DYNC1I2: variants seen among roughly 807,000 people sequenced by gnomAD.
DYNC1I2 encodes the protein cytoplasmic dynein 1 intermediate chain 2.
Under a neutral mutation model 88.6 loss-of-function variants are expected in DYNC1I2, and 53 were observed. That is an observed-to-expected ratio of 0.60 (90% CI 0.48 to 0.75). The LOEUF is 0.75. Ranked by LOEUF, DYNC1I2 falls within the 30% of genes least tolerant of loss-of-function variation. DYNC1I2 has a pLI of 0.00. For synonymous variants in DYNC1I2, 198 were observed against 254.6 expected (o/e 0.78, Z 2.12); for missense variants, 458 against 766.6 (o/e 0.60, Z 4.75).
intron 5 of DYNC1I2, among the ~76,000 whole-genome samples, chr2:171,708,060 GTC>G (rs764556646): frequency 0.028 from 4,076 of 145,830 alleles, 63 homozygotes; most frequent in Non-Finnish European, 0.035. Flanking sequence ...ATTCCTCTTT[GTC>G]TCTCTCACAC....
At chr2:171,737,294 A>T (rs1017295775) in intron 15 of DYNC1I2, among the ~76,000 whole-genome samples, 3 of 151,984 alleles carry the variant, frequency 2.0e-5, no homozygotes, top group African/African-American at 7.3e-5. Flanking sequence ...ATTCAATATG[A>T]CCTCATCTTA....
chr2:171,729,038 T>G (rs1006255110), intron 14 of DYNC1I2, among the ~76,000 whole-genome samples, 188 bp downstream of exon 14: 1 of 152,136 alleles, frequency 6.6e-6, no homozygotes, highest in African/African-American at 2.4e-5. Flanking sequence ...ATTCATGATG[T>G]GTTTAGATTT....
intron 5 of DYNC1I2, among the ~76,000 whole-genome samples, chr2:171,710,136 C>T (rs971628353): frequency 5.6e-4 from 81 of 144,366 alleles, no homozygotes; most frequent in African/African-American, 1.5e-3. Flanking sequence ...CACACACACA[C>T]ACACACACAC....
rs1188153219 is a variant in DYNC1I2 at position 171,702,297 on chromosome 2, T to C, written c.227-4250T>C. ...ATGTTTCCCTTTCTTGTTGGCAGAT[T>C]TACCATTATAATGGAACCTGTGAAG... On this transcript the variant is annotated intron_variant, in intron 3 of 17. Transcript: ENST00000397119. Among the ~76,000 whole-genome samples the C allele has an allele frequency of 2.6e-5, 4 of 152,226 alleles. No individual in the cohort carries two copies. In the East Asian group the frequency reaches 7.7e-4, roughly 29 times the overall value.
At chr2:171,734,143 C>A (rs1688843719) in intron 15 of DYNC1I2, among the ~76,000 whole-genome samples, 1 of 152,070 alleles carries the variant, frequency 6.6e-6, no homozygotes. Flanking sequence ...CTATTCTGTT[C>A]CCAGTCTGTG....
At chr2:171,700,522 G>A (rs1686167150) in intron 3 of DYNC1I2, among the ~76,000 whole-genome samples, 1 of 152,218 alleles carries the variant, frequency 6.6e-6, no homozygotes, top group Non-Finnish European at 1.5e-5. Flanking sequence ...AGAGTTTTAA[G>A]CAGGATAGTG....
chr2:171,742,166 A>AT (rs1043821888), intron 15 of DYNC1I2, among the ~76,000 whole-genome samples: 1 of 150,668 alleles, frequency 6.6e-6, no homozygotes, highest in East Asian at 1.9e-4. Flanking sequence ...ATCCAACTTT[A>AT]TTTTTTTTAT....
chr2:171,706,559 A>G lies in DYNC1I2; in HGVS notation c.239A>G (p.Tyr80Cys). 3 of 1,612,290 alleles carry G rather than the reference A, an allele frequency of 1.9e-6. No homozygotes were observed. Among genetic ancestry groups the G allele is most frequent in the Non-Finnish European group, 2.5e-6 (3 of 1,178,834 alleles). ...CTGTACACTTCAGTTTTTTCTGAATACTGGGGTAAGGAAGTTCCCATAAGT... is the reference window on the plus strand; with the variant it reads ...CTGTACACTTCAGTTTTTTCTGAATGCTGGGGTAAGGAAGTTCCCATAAGT... Reference protein sequence around the residue: ...TPESPIVFSEYWVPPPMSPSS... With the variant: ...TPESPIVFSECWVPPPMSPSS... Residue 80 changes from tyrosine to cysteine, a missense_variant, in exon 4 of 18, where the codon TAC becomes TGC. Around this residue, in one of 5 missense-constraint regions of DYNC1I2, gnomAD observed 55 missense variants for 57.1 expected, o/e 0.96. Coordinates refer to ENST00000397119, the MANE Select transcript of DYNC1I2 (RefSeq NM_001378.3).
At position 171,726,729 on chromosome 2, in the gene DYNC1I2, A is replaced by G. The variant is rs770923206; in HGVS notation, c.871-62A>G. On this transcript the variant is annotated intron_variant, in intron 10 of 17. Coordinates refer to ENST00000397119, the MANE Select transcript of DYNC1I2 (RefSeq NM_001378.3). ...AATAATCTGATAAAGACAAATAACT[A>G]GGATTATAAAACAGTTCTTATTATG... The G allele has an allele frequency of 3.8e-6, 6 of 1,579,636 alleles. No homozygotes were observed. The African/African-American group carries it at 6.8e-5, about 18-fold the overall frequency.
chr2:171,720,470 T>G (rs1687825679), intron 7 of DYNC1I2, among the ~76,000 whole-genome samples: 2 of 152,136 alleles, frequency 1.3e-5, no homozygotes, highest in African/African-American at 4.8e-5. Flanking sequence ...AAAATGGATT[T>G]TTCTGTAATC....
At chr2:171,689,285 G>A (rs1685205513) in intron 1 of DYNC1I2, among the ~76,000 whole-genome samples, 1 of 152,232 alleles carries the variant, frequency 6.6e-6, no homozygotes, top group African/African-American at 2.4e-5. Flanking sequence ...AGAGGTATAC[G>A]TAAGGTGTTA....
intron 3 of DYNC1I2, among the ~76,000 whole-genome samples, chr2:171,703,385 G>A (rs1430533521): frequency 2.0e-5 from 3 of 150,836 alleles, no homozygotes; most frequent in African/African-American, 4.9e-5. Flanking sequence ...ACAGCCATGC[G>A]CCACCATGCC....
intron 3 of DYNC1I2, among the ~76,000 whole-genome samples, chr2:171,697,610 G>C (rs1003037507): frequency 2.0e-5 from 3 of 152,048 alleles, no homozygotes; most frequent in Admixed American, 6.6e-5. Context: ...ATATTTGGGA[G>C]GCTGAGGTAG....
Position 171,745,861 on chromosome 2 carries a change from C to T in DYNC1I2, c.1737C>T (p.Thr579=). 6.2e-7 allele frequency: 1 copy of T among 1,613,770 alleles called. No homozygotes were observed. Among genetic ancestry groups the T allele is most frequent in the South Asian group, 1.1e-5 (1 of 91,072 alleles). ...GNPALNRVRW[T]HSGREIAVGD... is the part of the protein sequence containing the mutation. ...CTGCTCTTAATCGTGTGAGATGGAC[C>T]CATTCTGGCAGAGAGATTGCTGTGG... The change falls in exon 17 of 18, where the codon ACC becomes ACT. Residue 579 remains threonine (T), a synonymous_variant. Transcript: ENST00000397119.
chr2:171,717,492 G>A (rs1687591386), intron 7 of DYNC1I2, among the ~76,000 whole-genome samples: 1 of 151,812 alleles, frequency 6.6e-6, no homozygotes, highest in Non-Finnish European at 1.5e-5. Context: ...CCATTGGTTG[G>A]TAAGATATCT....
chr2:171,688,991 A>T (rs748383618), intron 1 of DYNC1I2, among the ~76,000 whole-genome samples: 34 of 152,140 alleles, frequency 2.2e-4, no homozygotes, highest in Non-Finnish European at 4.3e-4. Flanking sequence ...CCTTATGCTC[A>T]GCTGCTAGGC....
intron 7 of DYNC1I2, 120 bp from the exon 8 acceptor site, chr2:171,725,498 T>C: frequency 1.6e-6 from 1 of 614,544 alleles, no homozygotes; most frequent in Non-Finnish European, 2.7e-6. Context: ...TGCTTATATC[T>C]TGGGAGTTGT....
intron 15 of DYNC1I2, among the ~76,000 whole-genome samples, chr2:171,738,666 C>A (rs528486563): frequency 6.6e-6 from 1 of 152,244 alleles, no homozygotes; most frequent in South Asian, 2.1e-4. Context: ...TAAAAATAAG[C>A]TGTTTTTGAA....
intron 15 of DYNC1I2, among the ~76,000 whole-genome samples, chr2:171,743,342 G>C (rs1265724885): frequency 6.6e-6 from 1 of 152,110 alleles, no homozygotes; most frequent in East Asian, 1.9e-4. Flanking sequence ...GGGTGGCAGA[G>C]GCAGAAGAAA....
Sources: allele counts gnomAD v4.1 joint callset (sites outside exome capture counted in the v4.1 genomes callset), GRCh38; gene constraint gnomAD v4.1.1; regional missense constraint gnomAD v4.1.1; transcripts MANE v1.5; gene names NCBI Gene and HGNC (gene_info 2026-07-23, HGNC 2026-07-21).